ANKFN1: variants seen among roughly 807,000 people sequenced by gnomAD.
ANKFN1 encodes the protein ankyrin repeat and fibronectin type III domain containing 1, also known as ankyrin repeat and fibronectin type-III domain-containing protein 1.
A neutral mutation model predicts 108.7 loss-of-function variants in ANKFN1; 74 were observed. That is an observed-to-expected ratio of 0.68 (90% CI 0.56 to 0.83). The LOEUF (loss-of-function observed/expected upper bound fraction) is 0.83. Among genes scored for constraint, ANKFN1 ranks in the 40% least tolerant of loss-of-function variants. The pLI is 0.00. For missense variants in ANKFN1, 1,505 were observed against 1,382.3 expected (o/e 1.09, Z -1.41); for synonymous variants, 547 against 516.2 (o/e 1.06, Z -0.81).
At chr17:56,220,069 C>T (rs1043154136) in intron 2 of ANKFN1, among the ~76,000 whole-genome samples, 2 of 152,086 alleles carry the variant, frequency 1.3e-5, no homozygotes, top group Admixed American at 1.3e-4. Context: ...CTCTGTCTTC[C>T]GAAGGTGATG....
chr17:56,066,584 T>A (rs1451755361), intron 4 of ANKFN1, among the ~76,000 whole-genome samples: 1 of 152,212 alleles, frequency 6.6e-6, no homozygotes, highest in Non-Finnish European at 1.5e-5. Context: ...TTTGAAAAAA[T>A]TTTGGTGAAA....
At chr17:56,417,992 CA>C (rs1457652564) in intron 8 of ANKFN1, among the ~76,000 whole-genome samples, 2 of 152,156 alleles carry the variant, frequency 1.3e-5, no homozygotes, top group Non-Finnish European at 1.5e-5. Context: ...CTTTACTAGT[CA>C]GGGGCAGGGA....
chr17:56,238,750 A>G (rs542902613), intron 3 of ANKFN1, among the ~76,000 whole-genome samples: 2 of 152,192 alleles, frequency 1.3e-5, no homozygotes, highest in East Asian at 1.9e-4. Flanking sequence ...TTTAACTGTA[A>G]GTTTGAATAA....
intron 1 of ANKFN1, among the ~76,000 whole-genome samples, chr17:56,211,491 C>CTTTTTT (rs1915000098): frequency 5.3e-5 from 8 of 152,066 alleles, no homozygotes; most frequent in Non-Finnish European, 8.8e-5. Context: ...CAATACCATG[C>CTTTTTT]TGTTTTGGTG....
intron 10 of ANKFN1, among the ~76,000 whole-genome samples, chr17:56,443,898 A>G (rs1332275772): frequency 6.6e-6 from 1 of 152,226 alleles, no homozygotes; most frequent in East Asian, 1.9e-4. Context: ...GTGATATCAT[A>G]TGTTTCTTGT....
At chr17:56,291,890 A>C (rs1255489981) in intron 3 of ANKFN1, among the ~76,000 whole-genome samples, 1 of 152,250 alleles carries the variant, frequency 6.6e-6, no homozygotes, top group Non-Finnish European at 1.5e-5. Context: ...ACAAAGAACC[A>C]GGAATTAGTT....
intron 4 of ANKFN1, among the ~76,000 whole-genome samples, chr17:56,333,096 C>T (rs898958701): frequency 2.0e-5 from 3 of 151,720 alleles, no homozygotes; most frequent in African/African-American, 7.3e-5. Context: ...TCTATGTAAA[C>T]TTTCATGTTA....
chr17:56,122,762 C>T (rs1411290854), intron 4 of ANKFN1, among the ~76,000 whole-genome samples: 1 of 152,158 alleles, frequency 6.6e-6, no homozygotes, highest in East Asian at 1.9e-4. Context: ...AAAAAGTGGT[C>T]ATATTTCCTA....
chr17:56,387,855 T>C (rs1252247258), intron 8 of ANKFN1, among the ~76,000 whole-genome samples: 3 of 152,220 alleles, frequency 2.0e-5, no homozygotes, highest in African/African-American at 7.2e-5. Flanking sequence ...CTAGGACATT[T>C]GCAATGCATT....
chr17:56,241,086 A>T (rs928857203), intron 3 of ANKFN1, among the ~76,000 whole-genome samples: 1 of 152,100 alleles, frequency 6.6e-6, no homozygotes, highest in Non-Finnish European at 1.5e-5. Flanking sequence ...ATGTAAAGAT[A>T]TGCTTCTGTA....
chr17:56,264,042 T>C (rs576012457), intron 3 of ANKFN1, among the ~76,000 whole-genome samples: 1 of 152,160 alleles, frequency 6.6e-6, no homozygotes, highest in Admixed American at 6.5e-5. Context: ...TCCAGACAGG[T>C]AATACAGTAC....
intron 3 of ANKFN1, among the ~76,000 whole-genome samples, chr17:56,264,902 T>C (rs2043609811): frequency 6.6e-6 from 1 of 152,158 alleles, no homozygotes; most frequent in Non-Finnish European, 1.5e-5. Flanking sequence ...TTTTTTCTTT[T>C]TTTTGGCATA....
chr17:56,441,628 A>G (rs948145922), intron 9 of ANKFN1, among the ~76,000 whole-genome samples: 1 of 151,976 alleles, frequency 6.6e-6, no homozygotes. Flanking sequence ...TAAAAGAAAA[A>G]GTGATATGTG....
At chr17:56,188,581 GTATATATATATATATATATATA>G (rs61556880) in intron 1 of ANKFN1, among the ~76,000 whole-genome samples, 41 of 49,646 alleles carry the variant, frequency 8.3e-4, no homozygotes, top group African/African-American at 2.1e-3. Flanking sequence ...GTGTGTGTGT[GTATATATATATATATATATATA>G]TATATATATA....
intron 18 of ANKFN1, among the ~76,000 whole-genome samples, chr17:56,487,320 G>A (rs1430403343): frequency 1.3e-5 from 2 of 152,068 alleles, no homozygotes; most frequent in Non-Finnish European, 2.9e-5. Context: ...AAAGTTCCCA[G>A]GAACAGAAGG....
intron 4 of ANKFN1, among the ~76,000 whole-genome samples, chr17:56,098,360 G>A (rs1598094562): frequency 6.6e-6 from 1 of 151,856 alleles, no homozygotes; most frequent in African/African-American, 2.4e-5. Context: ...TTCATCTCAG[G>A]GAGATGTCTT....
intron 18 of ANKFN1, among the ~76,000 whole-genome samples, chr17:56,483,935 A>G (rs1189163633): frequency 6.6e-6 from 1 of 152,184 alleles, no homozygotes. Context: ...TTACAAAACA[A>G]GGTAGAATAT....
At chr17:56,326,614 T>C (rs1008601118) in intron 4 of ANKFN1, among the ~76,000 whole-genome samples, 7 of 152,216 alleles carry the variant, frequency 4.6e-5, no homozygotes, top group Non-Finnish European at 7.3e-5. Flanking sequence ...GGCATTTTGT[T>C]TGCAGTAAGC....
chr17:56,449,273 C>T (rs2049406632), intron 11 of ANKFN1, 87 bp downstream of exon 11: 2 of 902,498 alleles, frequency 2.2e-6, no homozygotes, highest in African/African-American at 3.3e-5. Flanking sequence ...GTCATACCTT[C>T]TCATTCATCA....
Sources: gnomAD v4.1 joint callset for allele counts (sites outside exome capture counted in the v4.1 genomes callset) on GRCh38, gnomAD v4.1.1 for gene constraint, MANE v1.5 for transcripts, NCBI Gene and HGNC (gene_info 2026-07-23, HGNC 2026-07-21) for gene names.